Variants in PCSK6 observed in about 807,000 individuals in gnomAD.
PCSK6 encodes the protein paired basic amino acid cleaving enzyme 4.
Under a neutral mutation model 123.3 loss-of-function variants are expected in PCSK6, and 85 were observed. The observed-to-expected ratio is 0.69, with a 90% CI of 0.58 to 0.83. The LOEUF (loss-of-function observed/expected upper bound fraction) is 0.83, where lower values mean the gene tolerates loss of function less well. Among genes scored for constraint, PCSK6 ranks in the 40% least tolerant of loss-of-function variants. The pLI is 0.00. For missense variants in PCSK6, 1,191 were observed against 1,282.3 expected (o/e 0.93, Z 1.09); for synonymous variants, 508 against 516.0 (o/e 0.98, Z 0.21).
chr15:101,349,645 C>T (rs1330319863), intron 13 of PCSK6, among the ~76,000 whole-genome samples: 4 of 152,096 alleles, frequency 2.6e-5, no homozygotes, highest in South Asian at 2.1e-4. Context: ...ACACAGGCTG[C>T]GTGAGAAATT....
intron 9 of PCSK6, among the ~76,000 whole-genome samples, chr15:101,387,484 C>T (rs1318722585): frequency 6.6e-6 from 1 of 152,168 alleles, no homozygotes; most frequent in Non-Finnish European, 1.5e-5. Flanking sequence ...AAGTTAGGAA[C>T]CATTTTCTTA....
rs2057157080 is a variant in PCSK6, at chr15:101,455,523, C to T, written c.298-11863G>A. 3.3e-5 allele frequency among the ~76,000 whole-genome samples: 5 copies of T among 152,230 alleles called. No homozygotes were observed. The South Asian group carries it at 1.0e-3, about 32-fold the overall frequency. On this transcript the variant is annotated intron_variant, in intron 1 of 21. Transcript: ENST00000611716. The stretch of plus-strand genomic sequence containing the variant: ...TCAGCCAAACACCATGCAAGCTCAG[C>T]TTCCTTTTATCCTGGAGCCTATCCC...
chr15:101,376,765 GGGGTAGCAGCAGGCA>G (rs770810101), intron 11 of PCSK6, among the ~76,000 whole-genome samples: 11 of 152,246 alleles, frequency 7.2e-5, no homozygotes, highest in Admixed American at 1.3e-4. Flanking sequence ...GCAGCTACAA[GGGGTAGCAGCAGGCA>G]GGAAAAGTGT....
chr15:101,314,858 G>C (rs1367952735), intron 19 of PCSK6, among the ~76,000 whole-genome samples: 1 of 152,208 alleles, frequency 6.6e-6, no homozygotes, highest in Non-Finnish European at 1.5e-5. Context: ...GACTCTGTCT[G>C]GTTTATGTTG....
intron 15 of PCSK6, among the ~76,000 whole-genome samples, chr15:101,331,125 A>G (rs1448363997): frequency 6.6e-6 from 1 of 152,262 alleles, no homozygotes; most frequent in Non-Finnish European, 1.5e-5. Flanking sequence ...AATAAAAGCC[A>G]TGTCCAGCTC....
At position 101,394,130 on chromosome 15, in the gene PCSK6, TTTTTTTG is replaced by T. The variant is rs1225633934; in HGVS notation, c.997-713_997-707del. ...CATTTGTGTGTAGGTTTTCTTTCCG[TTTTTTTG>T]TTTTTTGTTTTTTTTTTTTTGAGAC... is the stretch of plus-strand genomic sequence containing the variant. On this transcript the variant is annotated intron_variant, in intron 7 of 21. Coordinates refer to ENST00000611716, the MANE Select transcript of PCSK6 (RefSeq NM_002570.5). Among the ~76,000 whole-genome samples, 3 of 99,838 alleles carry T rather than the reference TTTTTTTG, an allele frequency of 3.0e-5. No individual in the cohort carries two copies. The South Asian group carries it at 1.1e-3, about 36-fold the overall frequency. The allele number at this position is 99,838 out of a possible 152,430, so 65.5% of individuals were successfully genotyped here. A position where few individuals can be genotyped will look rare whatever the true frequency, so the allele number is the denominator to read the frequency against.
intron 1 of PCSK6, among the ~76,000 whole-genome samples, chr15:101,446,792 AAC>A (rs2056901928): frequency 6.6e-6 from 1 of 152,236 alleles, no homozygotes; most frequent in Non-Finnish European, 1.5e-5. Flanking sequence ...GAGTGACTCA[AAC>A]ACAGGTGCGG....
At position 101,305,016 on chromosome 15, in the gene PCSK6, C is replaced by T. The variant is rs1349597308; in HGVS notation, c.*242G>A. 1.8e-5 allele frequency: 9 copies of T among 504,470 alleles called. No individual in the cohort carries two copies. 31.2% of individuals were successfully genotyped at this position (504,470 alleles called of 1,614,324 possible). A position where few individuals can be genotyped will look rare whatever the true frequency, so the allele number is the denominator to read the frequency against. Reference sequence around the variant, plus strand: ...TGGATTCCCAGAATTCATTTTGTTCCTGTTAGTTTGTCGGAAGACTGGAGC... The same window carrying T: ...TGGATTCCCAGAATTCATTTTGTTCTTGTTAGTTTGTCGGAAGACTGGAGC... On this transcript the variant is annotated 3_prime_UTR_variant, in exon 22 of 22. Transcript: ENST00000611716. This position sits in a 1 kb window ranked among gnomAD's most constrained non-coding sequence, Gnocchi z 4.8.
intron 13 of PCSK6, among the ~76,000 whole-genome samples, chr15:101,338,194 A>G (rs2040526421): frequency 6.6e-6 from 1 of 152,206 alleles, no homozygotes; most frequent in South Asian, 2.1e-4. Context: ...CACCCCCTCT[A>G]CACAGTCCCT....
At chr15:101,338,905 C>G (rs2141383507) in intron 13 of PCSK6, among the ~76,000 whole-genome samples, 1 of 152,338 alleles carries the variant, frequency 6.6e-6, no homozygotes, top group South Asian at 2.1e-4. Flanking sequence ...CCAACTGAGG[C>G]TGCCAGTAAA....
At chr15:101,478,694 AC>A (rs1299478304) in intron 1 of PCSK6, among the ~76,000 whole-genome samples, 1 of 152,156 alleles carries the variant, frequency 6.6e-6, no homozygotes, top group Non-Finnish European at 1.5e-5. Context: ...AGATGACTGA[AC>A]ATCTGCCTTG....
At chr15:101,485,261 T>A (rs1017310557) in intron 1 of PCSK6, among the ~76,000 whole-genome samples, 1 of 152,240 alleles carries the variant, frequency 6.6e-6, no homozygotes, top group African/African-American at 2.4e-5. Context: ...TCTCCATTCA[T>A]AAACTTCCCC....
At chr15:101,480,797 C>G (rs1026414814) in intron 1 of PCSK6, among the ~76,000 whole-genome samples, 1 of 152,220 alleles carries the variant, frequency 6.6e-6, no homozygotes, top group Admixed American at 6.5e-5. Context: ...TACAGCATCA[C>G]AAAGAGGGTG....
chr15:101,431,941 C>T (rs374629705), intron 3 of PCSK6, 49 bp downstream of exon 3: 1 of 1,305,674 alleles, frequency 7.7e-7, no homozygotes, highest in Non-Finnish European at 1.1e-6. Flanking sequence ...ATTTCAGAGA[C>T]CTGGCAGTGC....
chr15:101,351,423 T>C (rs1176340021), intron 13 of PCSK6, among the ~76,000 whole-genome samples: 1 of 152,208 alleles, frequency 6.6e-6, no homozygotes, highest in Non-Finnish European at 1.5e-5. Context: ...GTGAATGAAG[T>C]TCTGACATAT....
chr15:101,356,846 G>A (rs1486322673), intron 13 of PCSK6, among the ~76,000 whole-genome samples: 1 of 152,166 alleles, frequency 6.6e-6, no homozygotes, highest in South Asian at 2.1e-4. Context: ...ATCCTGGGAG[G>A]ACCCAGATCC....
In PCSK6 at chr15:101,353,923, ACACT is replaced by A. The variant is rs568327990; in HGVS notation, c.1858+12269_1858+12272del. Among the ~76,000 whole-genome samples, 388 of 152,284 alleles carry A rather than the reference ACACT, an allele frequency of 2.5e-3. 5 individuals are homozygous for A. The highest frequency in any genetic ancestry group is 9.0e-3 in the African/African-American group (372 of 41,562). On this transcript the variant is annotated intron_variant, in intron 13 of 21. Coordinates refer to ENST00000611716, the MANE Select transcript of PCSK6 (RefSeq NM_002570.5). ...CCTCTTCCACAAAAGGAGAATCTAAACACTCACAATAAGAGAATCATGTTCATGC... is the reference window on the plus strand; with the variant it reads ...CCTCTTCCACAAAAGGAGAATCTAAACACAATAAGAGAATCATGTTCATGC...
intron 19 of PCSK6, among the ~76,000 whole-genome samples, 195 bp downstream of exon 19, chr15:101,318,124 T>A (rs1483409037): frequency 6.6e-6 from 1 of 152,264 alleles, no homozygotes; most frequent in Non-Finnish European, 1.5e-5. Context: ...TGAGACTCTG[T>A]AACCATTAAA....
At chr15:101,327,562 C>G (rs892330331) in intron 15 of PCSK6, among the ~76,000 whole-genome samples, 1 of 152,202 alleles carries the variant, frequency 6.6e-6, no homozygotes, top group Non-Finnish European at 1.5e-5. Flanking sequence ...AAAACCTCCT[C>G]CTCCGAGGTG....
Sources: allele counts gnomAD v4.1 joint callset (sites outside exome capture counted in the v4.1 genomes callset), GRCh38; gene constraint gnomAD v4.1.1; non-coding constraint Gnocchi (gnomAD v3.1); transcripts MANE v1.5; gene names NCBI Gene and HGNC (gene_info 2026-07-23, HGNC 2026-07-21).